The following NUBPL variants were observed in gnomAD, a reference collection of about 807,000 sequenced individuals.
The protein encoded by NUBPL is iron-sulfur cluster transfer protein NUBPL.
A neutral mutation model predicts 45.7 loss-of-function variants in NUBPL; 31 were observed. The ratio of observed to expected loss-of-function variants is 0.68; its 90% CI spans 0.51 to 0.92. NUBPL has a LOEUF of 0.92. Ranked by LOEUF, NUBPL falls within the 40% of genes least tolerant of loss-of-function variation. The pLI is 0.00. For missense variants in NUBPL, 401 were observed against 398.7 expected (o/e 1.01, Z -0.05); for synonymous variants, 144 against 140.9 (o/e 1.02, Z -0.15).
intron 3 of NUBPL, among the ~76,000 whole-genome samples, chr14:31,572,400 A>C (rs905293208): frequency 1.3e-5 from 2 of 151,962 alleles, no homozygotes; most frequent in Non-Finnish European, 1.5e-5. Context: ...CGGCCTCCCA[A>C]AGTTCTGGGA....
chr14:31,580,140 A>G (rs2033823516), intron 3 of NUBPL, among the ~76,000 whole-genome samples: 1 of 152,250 alleles, frequency 6.6e-6, no homozygotes, highest in Non-Finnish European at 1.5e-5. Flanking sequence ...AATTTTATTA[A>G]TTAGTTCAAG....
At chr14:31,724,806 A>G (rs2037884412) in intron 6 of NUBPL, among the ~76,000 whole-genome samples, 2 of 152,304 alleles carry the variant, frequency 1.3e-5, no homozygotes, top group South Asian at 4.2e-4. Context: ...ACCGTATAGT[A>G]TAACATTGAT....
intron 6 of NUBPL, among the ~76,000 whole-genome samples, chr14:31,712,604 C>T (rs966440535): frequency 2.2e-4 from 33 of 152,364 alleles, no homozygotes; most frequent in South Asian, 2.1e-4. Context: ...CGGGCTGAAG[C>T]GCTCCTCGAG....
chr14:31,834,328 C>A (rs1268239825), intron 8 of NUBPL, among the ~76,000 whole-genome samples: 1 of 151,824 alleles, frequency 6.6e-6, no homozygotes, highest in African/African-American at 2.4e-5. Context: ...CTACAGGCTC[C>A]TGCCACCATG....
At chr14:31,620,917 G>T (rs2035042615) in intron 4 of NUBPL, among the ~76,000 whole-genome samples, 1 of 152,230 alleles carries the variant, frequency 6.6e-6, no homozygotes, top group Non-Finnish European at 1.5e-5. Context: ...GTCCCAGGGA[G>T]ATGGGGGTTT....
chr14:31,823,308 A>C (rs1040612585), intron 7 of NUBPL, among the ~76,000 whole-genome samples: 6 of 152,154 alleles, frequency 3.9e-5, no homozygotes, highest in Non-Finnish European at 8.8e-5. Context: ...TTTGATAAAA[A>C]GATGAAAAAA....
chr14:31,627,765 C>A (rs923957510), intron 4 of NUBPL, among the ~76,000 whole-genome samples: 3,518 of 108,186 alleles, frequency 0.033, no homozygotes, highest in African/African-American at 0.037. Flanking sequence ...GACTCTGTCT[C>A]AAAAAAAAAA....
intron 4 of NUBPL, among the ~76,000 whole-genome samples, chr14:31,640,614 CAAAA>C (rs59871107): frequency 5.2e-5 from 5 of 97,024 alleles, no homozygotes; most frequent in Admixed American, 1.0e-4. Flanking sequence ...GACTCTGTCT[CAAAA>C]AAAAAAAAAA....
intron 6 of NUBPL, among the ~76,000 whole-genome samples, chr14:31,709,662 CAGGATCATCT>C: frequency 6.6e-6 from 1 of 152,310 alleles, no homozygotes; most frequent in Admixed American, 6.5e-5. Context: ...ATGTACCTAT[CAGGATCATCT>C]GAAAAATTCC....
chr14:31,587,268 G>C (rs1349241416), intron 3 of NUBPL, among the ~76,000 whole-genome samples: 5 of 152,174 alleles, frequency 3.3e-5, no homozygotes, highest in Admixed American at 3.3e-4. Context: ...ATCTGAATTT[G>C]ATTCCAACTC....
At chr14:31,602,841 T>C (rs1160083832) in intron 4 of NUBPL, among the ~76,000 whole-genome samples, 2 of 152,200 alleles carry the variant, frequency 1.3e-5, no homozygotes, top group South Asian at 2.1e-4. Flanking sequence ...TCAGATTTCT[T>C]GGTCAGATTT....
intron 7 of NUBPL, among the ~76,000 whole-genome samples, chr14:31,825,834 G>C (rs879420688): frequency 7.8e-6 from 1 of 128,604 alleles, no homozygotes; most frequent in Non-Finnish European, 1.6e-5. Context: ...TCTTCTTCTT[G>C]TTTCTTCTTT....
At position 31,834,178 on chromosome 14, in the gene NUBPL, C is replaced by CTT. The variant is rs34255943; in HGVS notation, c.693+7484_693+7485dup. ...GAGACAAGCCTACTGTGGCCTGGAA[C>CTT]TTTTTTTTTTTTTTTTTTTTTGAGA... On this transcript the variant is annotated intron_variant, in intron 8 of 10. Coordinates refer to ENST00000281081, the MANE Select transcript of NUBPL (RefSeq NM_025152.3). Among the ~76,000 whole-genome samples the CTT allele has an allele frequency of 1.0e-2, 1,069 of 106,996 alleles. 49 individuals carry two copies. Among genetic ancestry groups the CTT allele is most frequent in the Non-Finnish European group, 0.015 (851 of 56,588 alleles). 70.2% of individuals were successfully genotyped at this position (106,996 alleles called of 152,430 possible).
chr14:31,807,787 A>G (rs2039718654), intron 7 of NUBPL, among the ~76,000 whole-genome samples: 1 of 152,092 alleles, frequency 6.6e-6, no homozygotes, highest in African/African-American at 2.4e-5. Flanking sequence ...TCCATCTTGA[A>G]TTAATTTTTG....
chr14:31,709,078 G>A lies in NUBPL; in HGVS notation c.513+35504G>A, dbSNP rs568259626. Among the ~76,000 whole-genome samples the A allele has an allele frequency of 2.0e-3, 305 of 152,184 alleles. 1 individual carries two copies. Among genetic ancestry groups the A allele is most frequent in the African/African-American group, 6.8e-3 (281 of 41,520 alleles). On this transcript the variant is annotated intron_variant, in intron 6 of 10. Transcript: ENST00000281081. The stretch of plus-strand genomic sequence containing the variant: ...TTTCCTTTTGGGCCTGTTCCTCTTG[G>A]TCCCTGTTATAGAATACTGAGGTTG...
At chr14:31,740,369 ATTG>A (rs1201428745) in intron 6 of NUBPL, among the ~76,000 whole-genome samples, 4 of 152,224 alleles carry the variant, frequency 2.6e-5, no homozygotes, top group East Asian at 3.9e-4. Flanking sequence ...GTGGTATCTT[ATTG>A]TTGTTTTAAT....
chr14:31,686,986 T>A (rs2036968050), intron 6 of NUBPL, among the ~76,000 whole-genome samples: 2 of 152,198 alleles, frequency 1.3e-5, no homozygotes, highest in African/African-American at 2.4e-5. Context: ...TGGTTGCATG[T>A]ACCAGTAGTC....
At chr14:31,725,874 T>G (rs1306437091) in intron 6 of NUBPL, among the ~76,000 whole-genome samples, 1 of 151,852 alleles carries the variant, frequency 6.6e-6, no homozygotes, top group African/African-American at 2.4e-5. Flanking sequence ...CACGCCCAGA[T>G]AATTTTTGTA....
intron 4 of NUBPL, among the ~76,000 whole-genome samples, chr14:31,648,661 A>C (rs572672882): frequency 6.6e-6 from 1 of 152,248 alleles, no homozygotes; most frequent in East Asian, 1.9e-4. Flanking sequence ...AACATAGACT[A>C]TACATTAACT....
Sources: gnomAD v4.1 joint callset for allele counts (sites outside exome capture counted in the v4.1 genomes callset) on GRCh38, gnomAD v4.1.1 for gene constraint, MANE v1.5 for transcripts, NCBI Gene and HGNC (gene_info 2026-07-23, HGNC 2026-07-21) for gene names.